The following GARRE1 variants were observed in gnomAD, a reference collection of about 807,000 sequenced individuals.
GARRE1 encodes the protein granule associated Rac and RHOG effector 1, also known as granule associated Rac and RHOG effector protein 1.
In GARRE1, 49 loss-of-function variants were observed where a neutral mutation model predicts 103.2. The observed-to-expected ratio is 0.47, with a 90% CI of 0.38 to 0.60. GARRE1 has a LOEUF of 0.60. Ranked by LOEUF, GARRE1 falls within the 20% of genes least tolerant of loss-of-function variation. GARRE1 has a pLI of 0.00. For missense variants in GARRE1, 1,199 were observed against 1,370.5 expected, an observed-to-expected ratio of 0.87 and a Z score of 1.98; for synonymous variants, 505 against 532.8, an observed-to-expected ratio of 0.95 and a Z score of 0.72.
At chr19:34,276,504 C>G (rs1455519521) in intron 1 of GARRE1, among the ~76,000 whole-genome samples, 1 of 152,070 alleles carries the variant, frequency 6.6e-6, no homozygotes, top group African/African-American at 2.4e-5. Flanking sequence ...GTGGAAGATG[C>G]CATAAACAGA....
intron 2 of GARRE1, among the ~76,000 whole-genome samples, chr19:34,301,563 AATATTTT>A (rs2073979312): frequency 6.6e-6 from 1 of 151,646 alleles, no homozygotes; most frequent in Admixed American, 6.6e-5. Context: ...CAAACCAGCC[AATATTTT>A]ATATTGTTGT....
chr19:34,283,519 T>C (rs1327291266), intron 1 of GARRE1, among the ~76,000 whole-genome samples: 4 of 152,350 alleles, frequency 2.6e-5, no homozygotes, highest in Admixed American at 2.0e-4. Flanking sequence ...TCATTCTAAG[T>C]GCTTTATATG....
chr19:34,342,187 G>A lies in GARRE1; in HGVS notation c.2253G>A (p.Arg751=). 1 of 1,614,134 alleles carries A rather than the reference G, an allele frequency of 6.2e-7. No individual in the cohort carries two copies. Among genetic ancestry groups the A allele is most frequent in the Non-Finnish European group, 8.5e-7 (1 of 1,180,038 alleles). The change falls in exon 10 of 14, where the codon CGG becomes CGA. Residue 751 remains arginine (R), a synonymous_variant. Coordinates refer to ENST00000299505, the MANE Select transcript of GARRE1 (RefSeq NM_014686.5). ...CGCAGCAGCCCCCGCCCCAGCCTCG[G>A]GCACCTGGGAAATGGGTACATGGCT... is the stretch of plus-strand genomic sequence containing the variant. ...IGPQQPPPQP[R]APGKWVHGSS...
chr19:34,295,231 T>C (rs1023559490), intron 1 of GARRE1, among the ~76,000 whole-genome samples: 13 of 152,266 alleles, frequency 8.5e-5, no homozygotes, highest in Admixed American at 3.9e-4. Flanking sequence ...TTCAAGGCTA[T>C]TATGGAGCTG....
chr19:34,266,734 T>C (rs185199657), intron 1 of GARRE1, among the ~76,000 whole-genome samples: 1 of 152,308 alleles, frequency 6.6e-6, no homozygotes, highest in East Asian at 1.9e-4. Context: ...TTATAATTTA[T>C]TGATAGAATT....
chr19:34,266,892 T>C (rs181202716), intron 1 of GARRE1, among the ~76,000 whole-genome samples: 247 of 152,116 alleles, frequency 1.6e-3, no homozygotes, highest in African/African-American at 5.7e-3. Flanking sequence ...AAATACTTGT[T>C]TTTTTTTCCT....
intron 1 of GARRE1, among the ~76,000 whole-genome samples, chr19:34,298,130 A>C (rs1187026454): frequency 6.6e-6 from 1 of 152,224 alleles, no homozygotes; most frequent in Non-Finnish European, 1.5e-5. Context: ...GTTGCAGTTG[A>C]ATATGTGGTC....
At chr19:34,316,596 G>GTCT (rs2074061618) in intron 2 of GARRE1, among the ~76,000 whole-genome samples, 1 of 152,216 alleles carries the variant, frequency 6.6e-6, no homozygotes, top group Non-Finnish European at 1.5e-5. Context: ...TCAAGAGAAG[G>GTCT]TGGTGGTTAT....
At position 34,341,608 on chromosome 19, in the gene GARRE1, T is replaced by C. The variant is rs753080940; in HGVS notation, c.1674T>C (p.Tyr558=). Residue 558 remains tyrosine, a synonymous_variant, in exon 10 of 14, where the codon TAT becomes TAC. Coordinates refer to ENST00000299505, the MANE Select transcript of GARRE1 (RefSeq NM_014686.5). ...CCAGCTCCAGCAGCAGCACAAATTATTCCATCCAAAATACCCCTTCCAAAA... is the reference window on the plus strand; with the variant it reads ...CCAGCTCCAGCAGCAGCACAAATTACTCCATCCAAAATACCCCTTCCAAAA... ...SCTSSSSSTN[Y]SIQNTPSKNI... The C allele has an allele frequency of 1.2e-6, 2 of 1,614,188 alleles. No individual in the cohort carries two copies. Among genetic ancestry groups the C allele is most frequent in the South Asian group, 1.1e-5 (1 of 91,082 alleles).
chr19:34,321,240 T>C (rs1272233505), intron 3 of GARRE1, among the ~76,000 whole-genome samples: 2 of 117,842 alleles, frequency 1.7e-5, no homozygotes, highest in Admixed American at 8.4e-5. Flanking sequence ...TTTTTTTTTT[T>C]TTTTTTTTTG....
At chr19:34,320,156 T>C (rs762749984) in intron 3 of GARRE1, 40 bp downstream of exon 3, 2 of 1,558,490 alleles carry the variant, frequency 1.3e-6, no homozygotes, top group Admixed American at 1.7e-5. Flanking sequence ...TGTGTTCAAA[T>C]AGGAGAGGCT....
At chr19:34,322,745 G>A (rs958014493) in intron 3 of GARRE1, among the ~76,000 whole-genome samples, 13 of 151,198 alleles carry the variant, frequency 8.6e-5, no homozygotes, top group Admixed American at 5.3e-4. Flanking sequence ...CCGCCACCAC[G>A]CCCAGCTAAT....
At chr19:34,268,726 C>T (rs554559982) in intron 1 of GARRE1, among the ~76,000 whole-genome samples, 49 of 151,864 alleles carry the variant, frequency 3.2e-4, no homozygotes, top group African/African-American at 1.1e-3. Flanking sequence ...TTTGGGAGGT[C>T]GAGGTGGGAG....
chr19:34,311,601 A>G (rs1371306856), intron 2 of GARRE1, among the ~76,000 whole-genome samples: 1 of 152,094 alleles, frequency 6.6e-6, no homozygotes, highest in African/African-American at 2.4e-5. Flanking sequence ...AAAAATAAAC[A>G]TAATTTTTTT....
chr19:34,300,588 C>A lies in GARRE1; in HGVS notation c.115C>A (p.Arg39=), dbSNP rs1390550233. The part of the protein sequence containing the change: ...HQQYPMPELG[R]ALSAPLASTA... ...GCAATACCCGATGCCTGAGCTGGGC[C>A]GAGCACTGAGTGCTCCCCTGGCATC... The change falls in exon 2 of 14, where the codon CGA becomes AGA. Residue 39 remains arginine, a synonymous_variant. Coordinates refer to ENST00000299505, the MANE Select transcript of GARRE1 (RefSeq NM_014686.5). The A allele has an allele frequency of 1.2e-6, 2 of 1,613,468 alleles. No individual in the cohort carries two copies. The highest frequency in any genetic ancestry group is 3.3e-4 in the Middle Eastern group (2 of 6,062).
chr19:34,344,312 C>T (rs367922477), intron 10 of GARRE1, among the ~76,000 whole-genome samples: 7 of 152,078 alleles, frequency 4.6e-5, no homozygotes, highest in African/African-American at 1.7e-4. Context: ...CACTCCAGGC[C>T]GGGCGCTGTG....
intron 2 of GARRE1, among the ~76,000 whole-genome samples, chr19:34,311,861 C>T (rs1480945563): frequency 6.6e-6 from 1 of 152,030 alleles, no homozygotes; most frequent in Non-Finnish European, 1.5e-5. Context: ...TCCCCCTGCC[C>T]TGGCCTCCCA....
intron 1 of GARRE1, among the ~76,000 whole-genome samples, chr19:34,255,690 A>G (rs984537442): frequency 7.5e-6 from 1 of 133,782 alleles, no homozygotes; most frequent in African/African-American, 2.6e-5. Context: ...TTTTTTTTTT[A>G]ATAAGAGACT....
chr19:34,320,821 A>C (rs2074083977), intron 3 of GARRE1, among the ~76,000 whole-genome samples: 1 of 151,230 alleles, frequency 6.6e-6, no homozygotes, highest in Admixed American at 6.6e-5. Flanking sequence ...TCCGGGCTCA[A>C]GAGATACTCC....
Sources: gnomAD v4.1 joint callset for allele counts (sites outside exome capture counted in the v4.1 genomes callset) on GRCh38, gnomAD v4.1.1 for gene constraint, MANE v1.5 for transcripts, NCBI Gene and HGNC (gene_info 2026-07-23, HGNC 2026-07-21) for gene names.